Variants in RPS6KA1 observed in about 807,000 individuals in gnomAD.
The protein encoded by RPS6KA1 is ribosomal protein S6 kinase A1, also known as ribosomal protein S6 kinase alpha-1.
In RPS6KA1, 48 loss-of-function variants were observed where a neutral mutation model predicts 91.3. The ratio of observed to expected loss-of-function variants is 0.53; its 90% confidence interval spans 0.42 to 0.67. RPS6KA1 has a LOEUF of 0.67. RPS6KA1 is among the 30% of genes least tolerant of loss of function. RPS6KA1 has a pLI of 0.00. For synonymous variants in RPS6KA1, 359 were observed against 384.7 expected, an observed-to-expected ratio of 0.93 and a Z score of 0.78; for missense variants, 719 against 960.5, an observed-to-expected ratio of 0.75 and a Z score of 3.32.
chr1:26,564,417 C>T (rs1212216728), intron 17 of RPS6KA1, among the ~76,000 whole-genome samples: 1 of 152,114 alleles, frequency 6.6e-6, no homozygotes, highest in African/African-American at 2.4e-5. Context: ...CACCGCCACA[C>T]CCAGCTAATT....
chr1:26,546,135 C>T (rs1557495467), intron 2 of RPS6KA1: 1 of 1,391,718 alleles, frequency 7.2e-7, no homozygotes, highest in Non-Finnish European at 9.7e-7. Context: ...CTGTCCTGGC[C>T]CAGGCCTGGC....
Position 26,529,872 on chromosome 1 carries a change from G to A in RPS6KA1, c.-49G>A, listed in dbSNP as rs769603288. ...CCAGGGACCCCAGGACCCGGGAGGCGGCGCAGCCGGGGCCGCCGGAGGAGC... is the reference window on the plus strand; with the variant it reads ...CCAGGGACCCCAGGACCCGGGAGGCAGCGCAGCCGGGGCCGCCGGAGGAGC... On this transcript the variant is annotated 5_prime_UTR_variant, in exon 1 of 22. Transcript: ENST00000374168. The surrounding 1 kb of genome is among the most constrained non-coding windows in gnomAD (Gnocchi z 4.2). 71 of 1,381,722 alleles carry A rather than the reference G, an allele frequency of 5.1e-5. No individual in the cohort carries two copies. The Middle Eastern group carries it at 8.0e-4, about 16-fold the overall frequency. The allele number at this position is 1,381,722 out of a possible 1,614,324, so 85.6% of individuals were successfully genotyped here. A position where few individuals can be genotyped will look rare whatever the true frequency, so the allele number is the denominator to read the frequency against.
Position 26,547,016 on chromosome 1 carries a change from A to C in RPS6KA1, c.225+33A>C. The C allele has an allele frequency of 1.3e-6, 2 of 1,586,658 alleles. No individual in the cohort carries two copies. Among genetic ancestry groups the C allele is most frequent in the Non-Finnish European group, 1.7e-6 (2 of 1,155,380 alleles). ...ATGAGCCCATAGCTGTGAAGGCAAC[A>C]CTCGTCATGTTAGAGGTGGGGGTCA... On this transcript the variant is annotated intron_variant, in intron 3 of 21. Coordinates refer to ENST00000374168, the MANE Select transcript of RPS6KA1 (RefSeq NM_002953.4). This position sits in a 1 kb window ranked among gnomAD's most constrained non-coding sequence, Gnocchi z 4.1.
rs769914728 is a variant in RPS6KA1, at chr1:26,571,816, C to G, written c.1753-33C>G. 17 of 1,597,962 alleles carry G rather than the reference C, an allele frequency of 1.1e-5. No homozygotes were observed. The highest frequency in any genetic ancestry group is 1.3e-5 in the African/African-American group (1 of 74,740). Reference sequence around the variant, plus strand: ...TCTGTGGCGACTTTCTACTGCCCCCCCAGACTGACCACCTCCCCTGCCCTG... The same window carrying G: ...TCTGTGGCGACTTTCTACTGCCCCCGCAGACTGACCACCTCCCCTGCCCTG... On this transcript the variant is annotated intron_variant, in intron 18 of 21. Coordinates refer to ENST00000374168, the MANE Select transcript of RPS6KA1 (RefSeq NM_002953.4). The surrounding 1 kb of genome is among the most constrained non-coding windows in gnomAD (Gnocchi z 5.1).
chr1:26,559,048 C>A, intron 14 of RPS6KA1, 111 bp downstream of exon 14: 2 of 1,312,308 alleles, frequency 1.5e-6, no homozygotes, highest in Non-Finnish European at 2.1e-6. Context: ...ACTGTGGGAC[C>A]AGTAGGGCCT....
chr1:26,556,166 A>C, intron 11 of RPS6KA1: 1 of 202,946 alleles, frequency 4.9e-6, no homozygotes. Flanking sequence ...GGCATGTAGT[A>C]GGTGTCCAGT....
intron 17 of RPS6KA1, among the ~76,000 whole-genome samples, chr1:26,565,072 G>T (rs925414306): frequency 1.3e-5 from 2 of 152,202 alleles, no homozygotes; most frequent in Non-Finnish European, 2.9e-5. Context: ...ACTTGGTGAG[G>T]ATGTTGTTGG....
At chr1:26,545,398 G>C (rs370199958) in intron 2 of RPS6KA1, among the ~76,000 whole-genome samples, 1 of 149,446 alleles carries the variant, frequency 6.7e-6, no homozygotes, top group Non-Finnish European at 1.5e-5. Flanking sequence ...GGATCGTCTC[G>C]ATCTCCTGAC....
rs770078934 is a variant in RPS6KA1, at chr1:26,554,686, A to G, written c.704A>G (p.Asn235Ser). The G allele has an allele frequency of 3.1e-6, 5 of 1,613,042 alleles. No individual in the cohort carries two copies. Among genetic ancestry groups the G allele is most frequent in the Admixed American group, 1.7e-5 (1 of 59,960 alleles). ...GAGTACATGGCCCCTGAGGTCGTCA[A>G]CCGCCAGGGCCACTCCCATAGTGCG... ...TVEYMAPEVV[N>S]RQGHSHSADW... Residue 235 changes from asparagine to serine, a missense_variant, in exon 9 of 22, where the codon AAC becomes AGC. Transcript: ENST00000374168. This position sits in a 1 kb window ranked among gnomAD's most constrained non-coding sequence, Gnocchi z 4.6.
At chr1:26,530,560 G>T (rs1194129618) in intron 1 of RPS6KA1, among the ~76,000 whole-genome samples, 1 of 152,224 alleles carries the variant, frequency 6.6e-6, no homozygotes, top group Non-Finnish European at 1.5e-5. Flanking sequence ...CCCTACCCCA[G>T]GCTGTGGAGA....
intron 2 of RPS6KA1, among the ~76,000 whole-genome samples, chr1:26,541,634 C>T (rs1242594424): frequency 6.6e-6 from 1 of 152,272 alleles, no homozygotes; most frequent in South Asian, 2.1e-4. Flanking sequence ...CCATGCCAGT[C>T]CTGACCTAGT....
chr1:26,553,996 A>C (rs1238241915), intron 7 of RPS6KA1: 29 of 517,918 alleles, frequency 5.6e-5, no homozygotes, highest in Non-Finnish European at 7.3e-5. Context: ...CGGGGCCCTA[A>C]TAGTACTTGC....
intron 1 of RPS6KA1, 34 bp downstream of exon 1, chr1:26,530,017 G>T: frequency 7.7e-7 from 1 of 1,301,586 alleles, no homozygotes; most frequent in Non-Finnish European, 9.8e-7. Context: ...GGCGCCCGCG[G>T]CCGGCGAGCC....
chr1:26,531,908 G>A (rs2075870276), intron 1 of RPS6KA1, among the ~76,000 whole-genome samples: 1 of 152,158 alleles, frequency 6.6e-6, no homozygotes, highest in African/African-American at 2.4e-5. Flanking sequence ...GGGCAGCCAC[G>A]GCGCAGGTTG....
rs150811030 is a variant in RPS6KA1 at position 26,572,308 on chromosome 1, C to T, written c.1947+15C>T. The T allele has an allele frequency of 6.9e-5, 108 of 1,567,238 alleles. 1 individual carries two copies. The African/African-American group carries it at 1.4e-3, about 20-fold the overall frequency. On this transcript the variant is annotated intron_variant, in intron 20 of 21. Transcript: ENST00000374168. Reference sequence around the variant, plus strand: ...AGACAGCCAAGGTGAGTCTGTACGGCCTGCGTGGGCTTATTTGGAGGAGGG... The same window carrying T: ...AGACAGCCAAGGTGAGTCTGTACGGTCTGCGTGGGCTTATTTGGAGGAGGG...
In RPS6KA1 at chr1:26,529,967, T is replaced by C. The variant is rs1419287386; in HGVS notation, c.47T>C (p.Val16Ala). The stretch of plus-strand genomic sequence containing the variant: ...GAGCCCTGGCCGCTCATGGAGCTAG[T>C]GCCTCTGGACCCGGAGGTGAGTGAG... The part of the protein sequence containing the change: ...LKEPWPLMEL[V>A]PLDPENGQTS... Residue 16 changes from valine (V) to alanine (A), a missense_variant, in exon 1 of 22, where the codon GTG becomes GCG. Around this residue, in one of 5 missense-constraint regions of RPS6KA1, gnomAD observed 57 missense variants for 55.8 expected, o/e 1.02. Coordinates refer to ENST00000374168, the MANE Select transcript of RPS6KA1 (RefSeq NM_002953.4). This position sits in a 1 kb window ranked among gnomAD's most constrained non-coding sequence, Gnocchi z 4.2. The C allele has an allele frequency of 7.0e-7, 1 of 1,428,900 alleles. No individual in the cohort carries two copies. The highest frequency in any genetic ancestry group is 9.2e-7 in the Non-Finnish European group (1 of 1,092,040). 88.5% of individuals were successfully genotyped at this position (1,428,900 alleles called of 1,614,324 possible).
intron 2 of RPS6KA1, chr1:26,543,971 G>A (rs758615885): frequency 2.4e-6 from 1 of 421,996 alleles, no homozygotes; most frequent in Non-Finnish European, 4.9e-6. Flanking sequence ...AAAATCCTAG[G>A]GAAATGGGAG....
In RPS6KA1 at chr1:26,556,687, G is replaced by A. The variant is rs752447300; in HGVS notation, c.950G>A (p.Arg317Gln). 12 of 1,614,194 alleles carry A rather than the reference G, an allele frequency of 7.4e-6. No homozygotes were observed. Among genetic ancestry groups the A allele is most frequent in the South Asian group, 3.3e-5 (3 of 91,086 alleles). The change falls in exon 12 of 22, where the codon CGG becomes CAG. Residue 317 changes from arginine to glutamine, a missense_variant. Arg to Gln is a conservative substitution (Grantham distance 43, BLOSUM62 1). Coordinates refer to ENST00000374168, the MANE Select transcript of RPS6KA1 (RefSeq NM_002953.4). ...SGPDGAEEIK[R>Q]HVFYSTIDWN... ...CCTGATGGGGCAGAGGAAATCAAGC[G>A]GCATGTCTTCTACTCCACCATTGAC... is the stretch of plus-strand genomic sequence containing the variant.
chr1:26,531,524 G>C (rs1474820589), intron 1 of RPS6KA1: 1 of 152,266 alleles, frequency 6.6e-6, no homozygotes, highest in Non-Finnish European at 1.5e-5. Flanking sequence ...ACCACTTCCT[G>C]CTTCTCTTTA....
Sources: gnomAD v4.1 joint callset for allele counts (sites outside exome capture counted in the v4.1 genomes callset) on GRCh38, gnomAD v4.1.1 for gene constraint, gnomAD v4.1.1 regional missense constraint, Gnocchi (gnomAD v3.1) non-coding constraint, MANE v1.5 for transcripts, NCBI Gene and HGNC (gene_info 2026-07-23, HGNC 2026-07-21) for gene names.